POU1F1: variants seen among roughly 807,000 people sequenced by gnomAD.
POU1F1 encodes the protein pituitary-specific positive transcription factor 1.
POU1F1 carries 23 observed loss-of-function variants against 32.3 expected under a neutral mutation model. That is an observed-to-expected ratio of 0.71 (90% CI 0.51 to 1.01). POU1F1 has a LOEUF of 1.01. Among genes scored for constraint, POU1F1 ranks in the 50% least tolerant of loss-of-function variants. POU1F1 has a pLI of 0.00. For synonymous variants in POU1F1, 120 were observed against 115.6 expected (o/e 1.04, Z -0.25); for missense variants, 323 against 341.6 (o/e 0.95, Z 0.43).
chr3:87,266,162 C>A (rs1196593593), intron 2 of POU1F1, among the ~76,000 whole-genome samples: 1 of 148,112 alleles, frequency 6.8e-6, no homozygotes, highest in Non-Finnish European at 1.5e-5. Flanking sequence ...CGTAACTCAG[C>A]AAATTGTTGG....
Position 87,261,367 on chromosome 3 carries a change from C to G in POU1F1, c.605-34G>C, listed in dbSNP as rs1706512303. The G allele has an allele frequency of 1.0e-5, 15 of 1,472,418 alleles. No homozygotes were observed. The East Asian group carries it at 3.5e-4, about 34-fold the overall frequency. The allele number at this position is 1,472,418 out of a possible 1,614,324, so 91.2% of individuals were successfully genotyped here. A position where few individuals can be genotyped will look rare whatever the true frequency, so the allele number is the denominator to read the frequency against. ...TGGAAAAGAGAGATAATTACAAACA[C>G]AAAGTAGACTTTTTATAAAAAACGA... On this transcript the variant is annotated intron_variant, in intron 4 of 5. Transcript: ENST00000350375.
At chr3:87,276,070 G>A (rs1301661341) in intron 1 of POU1F1, among the ~76,000 whole-genome samples, 1 of 151,978 alleles carries the variant, frequency 6.6e-6, no homozygotes, top group Non-Finnish European at 1.5e-5. Context: ...CTTTTCTTAT[G>A]TAGAAAACAG....
At chr3:87,269,551 A>C (rs1055453984) in intron 2 of POU1F1, among the ~76,000 whole-genome samples, 1 of 152,188 alleles carries the variant, frequency 6.6e-6, no homozygotes, top group Non-Finnish European at 1.5e-5. Context: ...AATTAAGAAA[A>C]AAAAATTTCA....
chr3:87,276,578 A>T lies in POU1F1; in HGVS notation c.-116T>A, dbSNP rs1312142530. ...CACTACCTGCATATATACATCAGGAAGGCTCTGAGGCACCAGGAGGGTGCG... is the reference window on the plus strand; with the variant it reads ...CACTACCTGCATATATACATCAGGATGGCTCTGAGGCACCAGGAGGGTGCG... On this transcript the variant is annotated 5_prime_UTR_variant, in exon 1 of 6. Coordinates refer to ENST00000350375, the MANE Select transcript of POU1F1 (RefSeq NM_000306.4). The T allele has an allele frequency of 8.2e-7, 1 of 1,226,690 alleles. No individual in the cohort carries two copies. Among genetic ancestry groups the T allele is most frequent in the Non-Finnish European group, 1.2e-6 (1 of 860,264 alleles). 76.0% of individuals were successfully genotyped at this position (1,226,690 alleles called of 1,614,324 possible). A position where few individuals can be genotyped will look rare whatever the true frequency, so the allele number is the denominator to read the frequency against.
chr3:87,265,865 A>C (rs1188196710), intron 2 of POU1F1, among the ~76,000 whole-genome samples: 1 of 151,890 alleles, frequency 6.6e-6, no homozygotes, highest in Non-Finnish European at 1.5e-5. Context: ...GGGTCCTGGA[A>C]CCAATGTGCC....
chr3:87,262,309 T>G, intron 3 of POU1F1, 74 bp from the exon 4 acceptor site: 1 of 1,535,624 alleles, frequency 6.5e-7, no homozygotes, highest in Non-Finnish European at 9.0e-7. Flanking sequence ...GTCACACAAA[T>G]CTGTGTATCT....
At chr3:87,274,677 T>C (rs1348805429) in intron 1 of POU1F1, among the ~76,000 whole-genome samples, 1 of 151,570 alleles carries the variant, frequency 6.6e-6, no homozygotes, top group Non-Finnish European at 1.5e-5. Flanking sequence ...TTAAACATAT[T>C]TAATACTCAA....
intron 2 of POU1F1, among the ~76,000 whole-genome samples, chr3:87,268,173 G>T (rs1240156799): frequency 2.1e-5 from 3 of 141,570 alleles, no homozygotes. Flanking sequence ...ATGCCTCCTA[G>T]CTTCAAGCAA....
intron 2 of POU1F1, among the ~76,000 whole-genome samples, chr3:87,271,180 A>G (rs1053046729): frequency 6.6e-6 from 1 of 152,118 alleles, no homozygotes; most frequent in African/African-American, 2.4e-5. Flanking sequence ...GAAATGAGGA[A>G]GAGGTTCGTG....
chr3:87,271,731 T>C (rs566048477), intron 2 of POU1F1, among the ~76,000 whole-genome samples: 11 of 152,252 alleles, frequency 7.2e-5, no homozygotes, highest in African/African-American at 2.4e-4. Flanking sequence ...TAACCATGAA[T>C]ACTAATTAAG....
chr3:87,260,982 A>C (rs917357113), intron 5 of POU1F1, among the ~76,000 whole-genome samples: 1 of 151,304 alleles, frequency 6.6e-6, no homozygotes, highest in African/African-American at 2.4e-5. Context: ...GCAAGCTCGG[A>C]TCACTGCAAC....
chr3:87,267,112 T>TAA (rs1051914912), intron 2 of POU1F1, among the ~76,000 whole-genome samples: 1 of 152,172 alleles, frequency 6.6e-6, no homozygotes. Context: ...TTACGCATAC[T>TAA]AAAAGGTCTA....
At position 87,261,142 on chromosome 3, in the gene POU1F1, C is replaced by T. The variant is rs1445312104; in HGVS notation, c.665+131G>A. The T allele has an allele frequency of 4.4e-6, 3 of 679,148 alleles. No homozygotes were observed. In the African/African-American group the frequency reaches 5.4e-5, roughly 12 times the overall value. 42.1% of individuals were successfully genotyped at this position (679,148 alleles called of 1,614,324 possible). A position where few individuals can be genotyped will look rare whatever the true frequency, so the allele number is the denominator to read the frequency against. On this transcript the variant is annotated intron_variant, in intron 5 of 5. Coordinates refer to ENST00000350375, the MANE Select transcript of POU1F1 (RefSeq NM_000306.4). The stretch of plus-strand genomic sequence containing the variant: ...GCCAGACTGGTCTCGAGCTCCTGAC[C>T]TCAGGCCCGCCTTGGCCTCCCAATT...
intron 2 of POU1F1, among the ~76,000 whole-genome samples, chr3:87,266,945 T>A (rs1174350718): frequency 6.6e-6 from 1 of 152,092 alleles, no homozygotes; most frequent in Non-Finnish European, 1.5e-5. Flanking sequence ...TATCACTTAA[T>A]ACATTTAATG....
intron 2 of POU1F1, among the ~76,000 whole-genome samples, chr3:87,268,311 T>C (rs1429037628): frequency 2.6e-5 from 4 of 152,078 alleles, no homozygotes; most frequent in Non-Finnish European, 5.9e-5. Flanking sequence ...TTCACCACAT[T>C]GGCCAGGCTA....
At chr3:87,271,424 C>T (rs756238681) in intron 2 of POU1F1, among the ~76,000 whole-genome samples, 4 of 152,092 alleles carry the variant, frequency 2.6e-5, no homozygotes, top group Non-Finnish European at 4.4e-5. Flanking sequence ...GATTATTGGC[C>T]CCTGCTCTGT....
chr3:87,270,733 A>G (rs1341805584), intron 2 of POU1F1, among the ~76,000 whole-genome samples: 1 of 152,054 alleles, frequency 6.6e-6, no homozygotes, highest in Non-Finnish European at 1.5e-5. Context: ...AGATGACATA[A>G]TAAGGTTTCT....
chr3:87,275,013 A>G (rs1275011477), intron 1 of POU1F1, among the ~76,000 whole-genome samples: 1 of 151,962 alleles, frequency 6.6e-6, no homozygotes, highest in African/African-American at 2.4e-5. Flanking sequence ...TGGCCAAATT[A>G]TCTTCAAACA....
chr3:87,269,773 AGTTT>A (rs1456667155), intron 2 of POU1F1, among the ~76,000 whole-genome samples: 1 of 151,728 alleles, frequency 6.6e-6, no homozygotes, highest in Non-Finnish European at 1.5e-5. Flanking sequence ...GACTTAAACA[AGTTT>A]GTTTGTTTTG....
Sources: allele counts gnomAD v4.1 joint callset (sites outside exome capture counted in the v4.1 genomes callset), GRCh38; gene constraint gnomAD v4.1.1; transcripts MANE v1.5; gene names NCBI Gene and HGNC (gene_info 2026-07-23, HGNC 2026-07-21).